Variants in THSD4 observed in about 807,000 individuals in gnomAD.
THSD4 encodes the protein thrombospondin type-1 domain-containing protein 4.
THSD4 carries 69 observed loss-of-function variants against 119.0 expected under a neutral mutation model. The ratio of observed to expected loss-of-function variants is 0.58; its 90% CI spans 0.48 to 0.71. The LOEUF (loss-of-function observed/expected upper bound fraction) is 0.71. Ranked by LOEUF, THSD4 falls within the 30% of genes least tolerant of loss-of-function variation. The pLI is 0.00. For missense variants in THSD4, 1,393 were observed against 1,391.1 expected (o/e 1.00, Z -0.02); for synonymous variants, 524 against 540.4 (o/e 0.97, Z 0.42).
intron 8 of THSD4, among the ~76,000 whole-genome samples, chr15:71,713,346 C>G (rs1448563334): frequency 1.3e-5 from 2 of 152,186 alleles, no homozygotes; most frequent in African/African-American, 4.8e-5. Context: ...TAATGAGCTC[C>G]TAGTATCCTC....
intron 7 of THSD4, among the ~76,000 whole-genome samples, chr15:71,560,192 G>A (rs2049090747): frequency 6.6e-6 from 1 of 152,204 alleles, no homozygotes; most frequent in Admixed American, 6.5e-5. Context: ...ATTTTTAAGG[G>A]ACAAAATGAG....
rs1480634773 is a variant in THSD4, at chr15:71,780,969, C to A, written c.*3595C>A. ...GTGGGTTTTCTTTTCATTCGGATAG[C>A]CACTTTATAGTTGGAATATCAATTC... On this transcript the variant is annotated 3_prime_UTR_variant, in exon 18 of 18. Coordinates refer to ENST00000261862, the MANE Select transcript of THSD4 (RefSeq NM_024817.3). 2.9e-6 allele frequency: 1 copy of A among 345,290 alleles called. No individual in the cohort carries two copies. The highest frequency in any genetic ancestry group is 3.8e-5 in the Admixed American group (1 of 26,526). The allele number at this position is 345,290 out of a possible 1,614,324, so 21.4% of individuals were successfully genotyped here.
At chr15:71,377,914 A>ACACACACACACACACAC (rs57687864) in intron 6 of THSD4, among the ~76,000 whole-genome samples, 4 of 146,148 alleles carry the variant, frequency 2.7e-5, no homozygotes, top group African/African-American at 7.6e-5. Flanking sequence ...ACACACACAC[A>ACACACACACACACACAC]ATTTCCTTCA....
intron 11 of THSD4, among the ~76,000 whole-genome samples, chr15:71,738,694 C>T (rs1207695126): frequency 6.6e-6 from 1 of 152,114 alleles, no homozygotes; most frequent in Non-Finnish European, 1.5e-5. Flanking sequence ...GAACACATGC[C>T]AAGTACTGCC....
At chr15:71,647,042 T>C (rs1193149020) in intron 7 of THSD4, among the ~76,000 whole-genome samples, 1 of 152,242 alleles carries the variant, frequency 6.6e-6, no homozygotes, top group African/African-American at 2.4e-5. Context: ...ATTTAGCCTT[T>C]ATGCTTACAC....
chr15:71,494,136 T>G (rs1286996352), intron 7 of THSD4, among the ~76,000 whole-genome samples: 1 of 152,234 alleles, frequency 6.6e-6, no homozygotes. Context: ...GAGAGTCTTT[T>G]CAATTTACAC....
intron 7 of THSD4, among the ~76,000 whole-genome samples, chr15:71,654,244 T>C (rs962737287): frequency 1.3e-5 from 2 of 152,252 alleles, no homozygotes. Context: ...CTTGTTTGTT[T>C]TACCTTCATG....
intron 9 of THSD4, 131 bp from the exon 10 acceptor site, chr15:71,730,990 A>T: frequency 1.4e-6 from 1 of 736,696 alleles, no homozygotes; most frequent in Non-Finnish European, 2.4e-6. Flanking sequence ...CCACAGGTTC[A>T]CTGATATTAC....
chr15:71,360,402 G>A (rs936419053), intron 6 of THSD4, among the ~76,000 whole-genome samples: 1 of 152,216 alleles, frequency 6.6e-6, no homozygotes, highest in East Asian at 1.9e-4. Context: ...AACACGATGG[G>A]TTACTCGGCT....
Position 71,719,347 on chromosome 15 carries a change from T to A in THSD4, c.1358-9202T>A, listed in dbSNP as rs528995455. Among the ~76,000 whole-genome samples, 69 of 152,030 alleles carry A rather than the reference T, an allele frequency of 4.5e-4. 1 individual carries two copies. Among genetic ancestry groups the A allele is most frequent in the Non-Finnish European group, 9.0e-4 (61 of 68,020 alleles). On this transcript the variant is annotated intron_variant, in intron 8 of 17. Transcript: ENST00000261862. Reference sequence around the variant, plus strand: ...CAAACTCAAAATGCCAAAGTGAATCTGACTGAAAAAAAATTACTGTGTGAT... The same window carrying A: ...CAAACTCAAAATGCCAAAGTGAATCAGACTGAAAAAAAATTACTGTGTGAT...
intron 6 of THSD4, among the ~76,000 whole-genome samples, chr15:71,308,477 G>A (rs770766504): frequency 3.7e-5 from 3 of 82,124 alleles, no homozygotes; most frequent in Non-Finnish European, 7.2e-5. Flanking sequence ...CTCCTTCCTT[G>A]CTTTTTATTT....
chr15:71,243,268 CTT>C (rs201001019), intron 5 of THSD4, among the ~76,000 whole-genome samples, 172 bp downstream of exon 5: 1 of 142,786 alleles, frequency 7.0e-6, no homozygotes. Flanking sequence ...ACATAGTTTT[CTT>C]TTTTTTTTTT....
intron 7 of THSD4, among the ~76,000 whole-genome samples, chr15:71,647,569 T>G (rs531058287): frequency 6.6e-6 from 1 of 152,330 alleles, no homozygotes; most frequent in South Asian, 2.1e-4. Context: ...TCTTAGTCAT[T>G]CTGGTCTCAG....
chr15:71,568,390 C>T (rs1234450497), intron 7 of THSD4, among the ~76,000 whole-genome samples: 2 of 151,974 alleles, frequency 1.3e-5, no homozygotes, highest in African/African-American at 4.8e-5. Context: ...TCCTTGAAGG[C>T]CAAGTAGGAT....
intron 8 of THSD4, among the ~76,000 whole-genome samples, chr15:71,718,112 G>C (rs976722551): frequency 6.7e-6 from 1 of 149,004 alleles, no homozygotes; most frequent in African/African-American, 2.5e-5. Context: ...TCATGCCATT[G>C]CATGCCAGCC....
intron 6 of THSD4, among the ~76,000 whole-genome samples, chr15:71,302,876 C>A (rs2044971400): frequency 6.6e-6 from 1 of 152,132 alleles, no homozygotes; most frequent in African/African-American, 2.4e-5. Flanking sequence ...CTACAACCCC[C>A]TGCCACTCAA....
At chr15:71,551,724 T>C (rs1457396735) in intron 7 of THSD4, among the ~76,000 whole-genome samples, 1 of 151,914 alleles carries the variant, frequency 6.6e-6, no homozygotes, top group South Asian at 2.1e-4. Flanking sequence ...ACATGGGAAA[T>C]GTTGCCAGCT....
chr15:71,230,189 A>G (rs950359558), intron 4 of THSD4, among the ~76,000 whole-genome samples: 1 of 151,986 alleles, frequency 6.6e-6, no homozygotes, highest in Non-Finnish European at 1.5e-5. Context: ...CAGGCACTGG[A>G]CCCCACAGGT....
At chr15:71,147,916 G>T (rs1367098802) in intron 2 of THSD4, 18 of 143,284 alleles carry the variant, frequency 1.3e-4, no homozygotes, top group Non-Finnish European at 2.7e-4. Flanking sequence ...GCTGTGGTGA[G>T]CTGTGATCTT....
Sources: allele counts gnomAD v4.1 joint callset (sites outside exome capture counted in the v4.1 genomes callset), GRCh38; gene constraint gnomAD v4.1.1; transcripts MANE v1.5; gene names NCBI Gene and HGNC (gene_info 2026-07-23, HGNC 2026-07-21).